PM20D1: variants seen among roughly 807,000 people sequenced by gnomAD.
PM20D1 encodes the protein peptidase M20 domain containing 1, also known as N-fatty-acyl-amino acid synthase/hydrolase PM20D1.
PM20D1 carries 53 observed loss-of-function variants against 53.8 expected under a neutral mutation model. The observed-to-expected ratio is 0.98, with a 90% CI of 0.79 to 1.24. The LOEUF (loss-of-function observed/expected upper bound fraction) is 1.24. Among genes scored for constraint, PM20D1 ranks in the 50% most tolerant of loss-of-function variants. The pLI is 0.00. For missense variants in PM20D1, 564 were observed against 616.8 expected, an observed-to-expected ratio of 0.91 and a Z score of 0.91; for synonymous variants, 239 against 241.3, an observed-to-expected ratio of 0.99 and a Z score of 0.09.
chr1:205,828,658 T>C lies in PM20D1; in HGVS notation c.1471A>G (p.Thr491Ala). 2 of 1,614,222 alleles carry C rather than the reference T, an allele frequency of 1.2e-6. No homozygotes were observed. Among genetic ancestry groups the C allele is most frequent in the Non-Finnish European group, 8.5e-7 (1 of 1,180,018 alleles). Residue 491 changes from threonine to alanine, a missense_variant, in exon 13 of 13, where the codon ACA becomes GCA. Transcript: ENST00000367136. ...FIFELIQNAD[T>A]DQEPVSHLHK... ...AGGTGAGAAACTGGCTCCTGGTCTG[T>C]GTCAGCATTCTGAATCAACTCAAAG...
intron 9 of PM20D1, 21 bp downstream of exon 9, chr1:205,841,790 G>C: frequency 6.4e-7 from 1 of 1,551,590 alleles, no homozygotes; most frequent in Non-Finnish European, 8.7e-7. Context: ...AAGCTATATG[G>C]GGAGGAACCA....
chr1:205,844,940 T>C, intron 3 of PM20D1, 43 bp from the exon 4 acceptor site: 1 of 1,536,840 alleles, frequency 6.5e-7, no homozygotes, highest in Non-Finnish European at 9.0e-7. Context: ...AGACGTTATT[T>C]AGGTGGGAAT....
At chr1:205,831,831 G>A (rs184929312) in intron 11 of PM20D1, among the ~76,000 whole-genome samples, 109 of 152,182 alleles carry the variant, frequency 7.2e-4, no homozygotes, top group Non-Finnish European at 1.4e-3. Context: ...CAAAGTGCTG[G>A]GATTACAGGT....
intron 10 of PM20D1, among the ~76,000 whole-genome samples, chr1:205,839,312 G>C (rs2102526993): frequency 6.6e-6 from 1 of 152,290 alleles, no homozygotes; most frequent in South Asian, 2.1e-4. Context: ...TTGACCCTAA[G>C]AAGTAGCATG....
intron 8 of PM20D1, 34 bp from the exon 9 acceptor site, chr1:205,841,923 A>G (rs761285328): frequency 6.5e-7 from 1 of 1,534,954 alleles, no homozygotes. Context: ...GATGTTAGAA[A>G]GAACCAATGG....
Position 205,844,129 on chromosome 1 carries a change from A to G in PM20D1, c.665T>C (p.Ile222Thr), listed in dbSNP as rs1336100829. ...GAAGTTAGGAATGAAATCATCCAAGATGAAGCCCCCCTCGTCCACAATGAA... is the reference window on the plus strand; with the variant it reads ...GAAGTTAGGAATGAAATCATCCAAGGTGAAGCCCCCCTCGTCCACAATGAA... ...LAFIVDEGGF[I>T]LDDFIPNFKK... The change falls in exon 5 of 13, where the codon ATC (isoleucine) becomes ACC (threonine). Residue 222 changes from isoleucine to threonine, a missense_variant. Coordinates refer to ENST00000367136, the MANE Select transcript of PM20D1 (RefSeq NM_152491.5). 1.2e-6 allele frequency: 2 copies of G among 1,613,972 alleles called. No individual in the cohort carries two copies. Among genetic ancestry groups the G allele is most frequent in the South Asian group, 2.2e-5 (2 of 91,036 alleles).
chr1:205,842,714 C>T lies in PM20D1; in HGVS notation c.865G>A (p.Gly289Arg), dbSNP rs754090489. Residue 289 changes from glycine (G) to arginine (R), a missense_variant, in exon 7 of 13, where the codon GGG becomes AGG. Physicochemically the swap from Gly to Arg is moderately radical, Grantham distance 125. Transcript: ENST00000367136. The stretch of plus-strand genomic sequence containing the variant: ...TGCTGCAATACAGTCACCACTGTCC[C>T]GCTTCCAAATATGATAGGCATTGGT... ...QTPMPIIFGSGTVVTVLQQLA... is the reference protein window; with the variant it reads ...QTPMPIIFGSRTVVTVLQQLA... 1.9e-5 allele frequency: 30 copies of T among 1,613,988 alleles called. No homozygotes were observed. Among genetic ancestry groups the T allele is most frequent in the Admixed American group, 5.0e-5 (3 of 60,004 alleles).
intron 11 of PM20D1, among the ~76,000 whole-genome samples, chr1:205,832,336 A>G (rs1215403581): frequency 1.3e-5 from 2 of 152,094 alleles, no homozygotes; most frequent in African/African-American, 4.8e-5. Flanking sequence ...GTCTAAGCCA[A>G]TTCTCCCCTC....
At chr1:205,848,040 T>C (rs1657032822) in intron 1 of PM20D1, 69 bp from the exon 2 acceptor site, 1 of 1,484,832 alleles carries the variant, frequency 6.7e-7, no homozygotes, top group Admixed American at 1.9e-5. Flanking sequence ...CAGTCCTCTG[T>C]GCACAAAAAG....
intron 3 of PM20D1, 122 bp from the exon 4 acceptor site, chr1:205,845,019 T>C: frequency 1.2e-6 from 1 of 822,846 alleles, no homozygotes. Flanking sequence ...ATAGATTCTC[T>C]TGAAAGAGAA....
intron 10 of PM20D1, 54 bp from the exon 11 acceptor site, chr1:205,832,820 C>CA: frequency 6.7e-7 from 1 of 1,488,944 alleles, no homozygotes; most frequent in Non-Finnish European, 9.0e-7. Context: ...TATACATGTA[C>CA]AATATGGGCT....
chr1:205,839,537 G>T (rs561966294), intron 10 of PM20D1, among the ~76,000 whole-genome samples: 1 of 151,960 alleles, frequency 6.6e-6, no homozygotes, highest in East Asian at 1.9e-4. Flanking sequence ...AAAATGTATG[G>T]GTATACCTTA....
Position 205,849,783 on chromosome 1 carries a change from C to T in PM20D1, c.169+121G>A, listed in dbSNP as rs1657086826. On this transcript the variant is annotated intron_variant, in intron 1 of 12. Transcript: ENST00000367136. ...AGGGTGTTGGGGCCGGGCTGGGGTG[C>T]GTGTCGGGGCTCCAGCTGCAGTAGC... The T allele has an allele frequency of 2.3e-6, 3 of 1,282,486 alleles. 1 individual carries two copies. The highest frequency in any genetic ancestry group is 3.0e-5 in the African/African-American group (2 of 67,204). 79.4% of individuals were successfully genotyped at this position (1,282,486 alleles called of 1,614,324 possible).
At chr1:205,829,505 C>A (rs1656511213) in intron 12 of PM20D1, among the ~76,000 whole-genome samples, 1 of 152,180 alleles carries the variant, frequency 6.6e-6, no homozygotes, top group Non-Finnish European at 1.5e-5. Flanking sequence ...GACCTCACAT[C>A]CACCAACCTG....
chr1:205,833,670 A>G (rs967374373), intron 10 of PM20D1, among the ~76,000 whole-genome samples: 6 of 152,214 alleles, frequency 3.9e-5, no homozygotes, highest in African/African-American at 1.4e-4. Context: ...ATTAGGTCAC[A>G]TAGAGCCACG....
chr1:205,838,489 C>T (rs896636294), intron 10 of PM20D1, among the ~76,000 whole-genome samples: 3 of 152,140 alleles, frequency 2.0e-5, no homozygotes, highest in East Asian at 1.9e-4. Flanking sequence ...TAGCACTCAT[C>T]GTGGTTTGCA....
In PM20D1 at chr1:205,841,896, C is replaced by A. The variant is rs561638734; in HGVS notation, c.966-7G>T. ...GGGATTTCTCTCCATAAACCTAAAA[C>A]AAAAGGACCAAGGTCAGATGTTAGA... On this transcript the variant is annotated splice_region_variant and splice_polypyrimidine_tract_variant and intron_variant, in intron 8 of 12. Transcript: ENST00000367136. 3 of 1,555,616 alleles carry A rather than the reference C, an allele frequency of 1.9e-6. No individual in the cohort carries two copies. The highest frequency in any genetic ancestry group is 2.6e-6 in the Non-Finnish European group (3 of 1,148,176).
chr1:205,849,775 C>G (rs1309952465), intron 1 of PM20D1, 129 bp downstream of exon 1: 1 of 1,205,898 alleles, frequency 8.3e-7, no homozygotes, highest in Admixed American at 2.4e-5. Context: ...TGGGGCCGGG[C>G]TGGGGTGCGT....
rs776136457 is a variant in PM20D1 at position 205,828,651 on chromosome 1, T to A, written c.1478A>T (p.Gln493Leu). The change falls in exon 13 of 13, where the codon CAG (glutamine) becomes CTG (leucine). Residue 493 changes from glutamine (Q) to leucine (L), a missense_variant. By Grantham distance (113) the Gln-to-Leu change is moderately radical. Transcript: ENST00000367136. The part of the protein sequence containing the change: ...FELIQNADTD[Q>L]EPVSHLHKL The stretch of plus-strand genomic sequence containing the variant: ...TTTGTGCAGGTGAGAAACTGGCTCC[T>A]GGTCTGTGTCAGCATTCTGAATCAA... The A allele has an allele frequency of 3.4e-5, 55 of 1,614,114 alleles. No individual in the cohort carries two copies. The South Asian group carries it at 5.8e-4, about 17-fold the overall frequency.
Sources: allele counts gnomAD v4.1 joint callset (sites outside exome capture counted in the v4.1 genomes callset), GRCh38; gene constraint gnomAD v4.1.1; transcripts MANE v1.5; gene names NCBI Gene and HGNC (gene_info 2026-07-23, HGNC 2026-07-21).